CTNNA3: variants seen among roughly 807,000 people sequenced by gnomAD.
CTNNA3 encodes catenin alpha-3.
CTNNA3 carries 76 observed loss-of-function variants against 95.7 expected under a neutral mutation model. The ratio of observed to expected loss-of-function variants is 0.79; its 90% confidence interval spans 0.66 to 0.96. The LOEUF is 0.96. Among genes scored for constraint, CTNNA3 ranks in the 40% least tolerant of loss-of-function variants. CTNNA3 has a pLI of 0.00. For missense variants in CTNNA3, 1,191 were observed against 1,089.8 expected, an observed-to-expected ratio of 1.09 and a Z score of -1.31; for synonymous variants, 431 against 374.4, an observed-to-expected ratio of 1.15 and a Z score of -1.74.
intron 15 of CTNNA3, among the ~76,000 whole-genome samples, chr10:66,053,051 C>T (rs574934735): frequency 8.3e-4 from 126 of 151,900 alleles, no homozygotes; most frequent in African/African-American, 1.9e-3. Flanking sequence ...AAACAGACAG[C>T]GAGAATAAGG....
At chr10:67,216,804 A>G (rs1864386227) in intron 6 of CTNNA3, among the ~76,000 whole-genome samples, 1 of 152,210 alleles carries the variant, frequency 6.6e-6, no homozygotes, top group Non-Finnish European at 1.5e-5. Context: ...AATATGTCTT[A>G]ATGGACTTGG....
At chr10:66,688,963 CAA>C (rs58515946) in intron 9 of CTNNA3, among the ~76,000 whole-genome samples, 25,511 of 86,808 alleles carry the variant, frequency 0.29, 2,682 homozygotes, top group East Asian at 0.45. Context: ...GACTCCATCT[CAA>C]AAAAAAAAAA....
intron 12 of CTNNA3, among the ~76,000 whole-genome samples, chr10:66,295,746 A>G (rs2091767226): frequency 6.6e-6 from 1 of 152,172 alleles, no homozygotes; most frequent in Admixed American, 6.5e-5. Context: ...AGCAGGTCAC[A>G]TATCTTAGTT....
In CTNNA3 at chr10:67,500,820, G is replaced by A. The variant is rs573429267; in HGVS notation, c.579+21022C>T. ...CCTTGAGGAATGTGTGCCTCTGCAC[G>A]TGCGATGGGTCTCCTGAATACAGCA... On this transcript the variant is annotated intron_variant, in intron 5 of 17. Coordinates refer to ENST00000433211, the MANE Select transcript of CTNNA3 (RefSeq NM_013266.4). Among the ~76,000 whole-genome samples, 214 of 152,250 alleles carry A rather than the reference G, an allele frequency of 1.4e-3. 2 individuals are homozygous for A. Among genetic ancestry groups the A allele is most frequent in the African/African-American group, 4.9e-3 (205 of 41,558 alleles).
At chr10:67,294,858 C>T (rs1376208235) in intron 5 of CTNNA3, among the ~76,000 whole-genome samples, 2 of 152,122 alleles carry the variant, frequency 1.3e-5, no homozygotes, top group African/African-American at 2.4e-5. Context: ...ATTTACAGCC[C>T]TAATTTTTGT....
intron 11 of CTNNA3, among the ~76,000 whole-genome samples, chr10:66,487,582 T>C (rs181072482): frequency 3.0e-4 from 46 of 152,210 alleles, no homozygotes; most frequent in African/African-American, 1.1e-3. Flanking sequence ...CAAATGCTAA[T>C]TACAGGTGGT....
chr10:66,424,507 G>C (rs570615745), intron 11 of CTNNA3, among the ~76,000 whole-genome samples: 1 of 151,912 alleles, frequency 6.6e-6, no homozygotes, highest in South Asian at 2.1e-4. Flanking sequence ...AATTCTCATT[G>C]TCTTGCAATA....
chr10:66,643,772 TA>T (rs1845597402), intron 9 of CTNNA3, among the ~76,000 whole-genome samples: 1 of 152,232 alleles, frequency 6.6e-6, no homozygotes, highest in Non-Finnish European at 1.5e-5. Flanking sequence ...GACCATTTTA[TA>T]AAAGACATAT....
At chr10:66,670,605 C>T (rs561421754) in intron 9 of CTNNA3, among the ~76,000 whole-genome samples, 2 of 152,214 alleles carry the variant, frequency 1.3e-5, no homozygotes, top group South Asian at 2.1e-4. Context: ...TTCTGTTCTC[C>T]GATTCTGCCC....
intron 9 of CTNNA3, among the ~76,000 whole-genome samples, chr10:66,732,563 G>A (rs1273584990): frequency 1.3e-5 from 2 of 152,070 alleles, no homozygotes; most frequent in African/African-American, 2.4e-5. Context: ...TTCACGTGGT[G>A]GCAGGAAGGA....
chr10:66,426,007 AT>A (rs1360262283), intron 11 of CTNNA3, among the ~76,000 whole-genome samples: 3 of 151,954 alleles, frequency 2.0e-5, no homozygotes, highest in Admixed American at 6.6e-5. Context: ...TATTTTTTGT[AT>A]TTTTTATTCA....
At chr10:66,320,674 A>G (rs982944648) in intron 12 of CTNNA3, among the ~76,000 whole-genome samples, 1 of 152,068 alleles carries the variant, frequency 6.6e-6, no homozygotes, top group African/African-American at 2.4e-5. Context: ...TAAAAAACAC[A>G]TTTTCCTTTT....
At chr10:66,346,246 T>TATATATATATAG (rs1416945569) in intron 12 of CTNNA3, among the ~76,000 whole-genome samples, 9 of 27,794 alleles carry the variant, frequency 3.2e-4, no homozygotes, top group Non-Finnish European at 5.3e-4. Context: ...TATATATATA[T>TATATATATATAG]AGAGAGAGAG....
In CTNNA3 at chr10:66,107,713, G is replaced by A. The variant is rs79386593; in HGVS notation, c.1885-4464C>T. Among the ~76,000 whole-genome samples the A allele has an allele frequency of 3.3e-3, 499 of 151,624 alleles. 14 individuals carry two copies. In the East Asian group the frequency reaches 0.043, roughly 13 times the overall value. On this transcript the variant is annotated intron_variant, in intron 13 of 17. Transcript: ENST00000433211. ...TTCAGGATCCCTAATGAAACAGGTG[G>A]CATTATTACAATTAAAAATTCACTT... is the stretch of plus-strand genomic sequence containing the variant.
At chr10:67,365,421 C>G (rs984195371) in intron 5 of CTNNA3, among the ~76,000 whole-genome samples, 10 of 152,034 alleles carry the variant, frequency 6.6e-5, no homozygotes, top group African/African-American at 2.2e-4. Context: ...AAGAAAATAC[C>G]ATCAGAGTGA....
intron 9 of CTNNA3, among the ~76,000 whole-genome samples, chr10:66,740,721 A>G (rs1849300730): frequency 6.6e-6 from 1 of 152,214 alleles, no homozygotes; most frequent in African/African-American, 2.4e-5. Context: ...CCATTACAAA[A>G]TTATCACTAT....
chr10:67,463,663 G>C (rs1191357569), intron 5 of CTNNA3, among the ~76,000 whole-genome samples: 1 of 152,010 alleles, frequency 6.6e-6, no homozygotes, highest in Non-Finnish European at 1.5e-5. Context: ...TATAAATAAG[G>C]TTTATTTAAA....
Position 66,845,719 on chromosome 10 carries a change from A to ATAAATAAATAAAT in CTNNA3, c.1048-70196_1048-70195insATTTATTTATTTA, listed in dbSNP as rs1460976033. On this transcript the variant is annotated intron_variant, in intron 7 of 17. Coordinates refer to ENST00000433211, the MANE Select transcript of CTNNA3 (RefSeq NM_013266.4). ...ACTCTGTCTCAAAAAAAAAAAAAAA[A>ATAAATAAATAAAT]AAAAAAAAAACTAAAAAGGTGAGAT... is the stretch of plus-strand genomic sequence containing the variant. Among the ~76,000 whole-genome samples the ATAAATAAATAAAT allele has an allele frequency of 2.7e-4, 20 of 73,268 alleles. 2 individuals carry two copies. The highest frequency in any genetic ancestry group is 4.6e-4 in the African/African-American group (11 of 24,130). 48.1% of individuals were successfully genotyped at this position (73,268 alleles called of 152,430 possible). A position where few individuals can be genotyped will look rare whatever the true frequency, so the allele number is the denominator to read the frequency against.
At chr10:66,613,158 C>A (rs1404759760) in intron 10 of CTNNA3, among the ~76,000 whole-genome samples, 1 of 152,068 alleles carries the variant, frequency 6.6e-6, no homozygotes, top group Admixed American at 6.6e-5. Flanking sequence ...TGAAACTATG[C>A]TAATTCTAGG....
Sources: gnomAD v4.1 joint callset for allele counts (sites outside exome capture counted in the v4.1 genomes callset) on GRCh38, gnomAD v4.1.1 for gene constraint, MANE v1.5 for transcripts, NCBI Gene and HGNC (gene_info 2026-07-23, HGNC 2026-07-21) for gene names.